The following TRIP13 variants were observed in gnomAD, a reference collection of about 807,000 sequenced individuals.
TRIP13 encodes the protein thyroid hormone receptor interactor 13.
A neutral mutation model predicts 54.4 loss-of-function variants in TRIP13; 25 were observed. That is an observed-to-expected ratio of 0.46 (90% confidence interval 0.33 to 0.64). The LOEUF is 0.64. Ranked by LOEUF, TRIP13 falls within the 30% of genes least tolerant of loss-of-function variation. The pLI is 0.02. For missense variants in TRIP13, 373 were observed against 534.2 expected (o/e 0.70, Z 2.97); for synonymous variants, 207 against 207.8 (o/e 1.00, Z 0.03).
Position 912,144 on chromosome 5 carries a change from T to G in TRIP13, c.1020+148T>G. ...TCTTAAATTGAAAACTAGTTTTGTA[T>G]GTGACAGGTTGAGCTGATAGTTGAA... On this transcript the variant is annotated intron_variant, in intron 10 of 12. Coordinates refer to ENST00000166345, the MANE Select transcript of TRIP13 (RefSeq NM_004237.4). The surrounding 1 kb of genome is among the most constrained non-coding windows in gnomAD (Gnocchi z 7.2). The G allele has an allele frequency of 3.7e-6, 4 of 1,086,100 alleles. No homozygotes were observed. Among genetic ancestry groups the G allele is most frequent in the Non-Finnish European group, 3.9e-6 (3 of 777,728 alleles). 67.3% of individuals were successfully genotyped at this position (1,086,100 alleles called of 1,614,324 possible).
intron 12 of TRIP13, among the ~76,000 whole-genome samples, chr5:916,306 T>C (rs1283472441): frequency 2.6e-5 from 4 of 152,214 alleles, no homozygotes; most frequent in African/African-American, 9.7e-5. Flanking sequence ...TCAGCTCACA[T>C]AGAACAGTGA....
chr5:900,378 G>C (rs1243753828), intron 3 of TRIP13, 116 bp from the exon 4 acceptor site: 1 of 987,340 alleles, frequency 1.0e-6, no homozygotes, highest in East Asian at 2.6e-5. Flanking sequence ...CAGAATCATA[G>C]TCTTGCCTGG....
chr5:907,964 A>T lies in TRIP13; in HGVS notation c.673-24A>T. 1 of 1,613,844 alleles carries T rather than the reference A, an allele frequency of 6.2e-7. No individual in the cohort carries two copies. The highest frequency in any genetic ancestry group is 2.2e-5 in the East Asian group (1 of 44,876). ...GGCAGTGTGGTCCCTGCACGTTGAC[A>T]CTAAAAGGGTGTTTGGGTTCCAGAG... On this transcript the variant is annotated intron_variant, in intron 7 of 12. Coordinates refer to ENST00000166345, the MANE Select transcript of TRIP13 (RefSeq NM_004237.4). The surrounding 1 kb of genome is among the most constrained non-coding windows in gnomAD (Gnocchi z 4.1).
rs74983780 is a variant in TRIP13 at position 909,062 on chromosome 5, T to C, written c.866+601T>C. The C allele has an allele frequency of 9.1e-3, 1,415 of 155,180 alleles. 25 individuals carry two copies. The highest frequency in any genetic ancestry group is 0.031 in the African/African-American group (1,305 of 41,590). The allele number at this position is 155,180 out of a possible 1,614,324, so 9.6% of individuals were successfully genotyped here. ...TACGTTCAGGCCTTATCCCACCCACTTCTCTCCTATCCCACCCACTGTCAG... is the reference window on the plus strand; with the variant it reads ...TACGTTCAGGCCTTATCCCACCCACCTCTCTCCTATCCCACCCACTGTCAG... On this transcript the variant is annotated intron_variant, in intron 9 of 12. Transcript: ENST00000166345.
intron 2 of TRIP13, among the ~76,000 whole-genome samples, chr5:896,388 T>A (rs1227632729): frequency 6.6e-6 from 1 of 152,080 alleles, no homozygotes; most frequent in Non-Finnish European, 1.5e-5. Flanking sequence ...TCTGTGTGAG[T>A]GTATTTATAT....
intron 9 of TRIP13, among the ~76,000 whole-genome samples, chr5:909,795 G>A (rs1363150114): frequency 6.6e-6 from 1 of 152,244 alleles, no homozygotes; most frequent in Admixed American, 6.5e-5. Context: ...GAATAGGTGG[G>A]GCTAGTTAAC....
chr5:916,960 C>T, intron 12 of TRIP13, 48 bp from the exon 13 acceptor site: 1 of 1,581,936 alleles, frequency 6.3e-7, no homozygotes. Flanking sequence ...CAGATGGCCC[C>T]ACCAAACGTG....
intron 5 of TRIP13, among the ~76,000 whole-genome samples, chr5:902,416 G>A (rs988681290): frequency 5.3e-5 from 8 of 152,234 alleles, no homozygotes; most frequent in African/African-American, 1.9e-4. Flanking sequence ...AGAGTAAGCA[G>A]CAGGTGTTTT....
At chr5:896,537 T>C in intron 2 of TRIP13, 128 bp from the exon 3 acceptor site, 1 of 969,504 alleles carries the variant, frequency 1.0e-6, no homozygotes, top group Non-Finnish European at 1.5e-6. Context: ...TCTCATCTAA[T>C]CTGAGAACTA....
At position 913,525 on chromosome 5, in the gene TRIP13, T is replaced by G. The variant is rs1754283502; in HGVS notation, c.1021-940T>G. On this transcript the variant is annotated intron_variant, in intron 10 of 12. Coordinates refer to ENST00000166345, the MANE Select transcript of TRIP13 (RefSeq NM_004237.4). This position sits in a 1 kb window ranked among gnomAD's most constrained non-coding sequence, Gnocchi z 4.5. ...TGCATGCCACCACACCTGGCTAATT[T>G]TTGTATTTTCAGTAGAGAAAGGGTT... Among the ~76,000 whole-genome samples the G allele has an allele frequency of 6.6e-6, 1 of 152,086 alleles. No homozygotes were observed. The highest frequency in any genetic ancestry group is 2.4e-5 in the African/African-American group (1 of 41,412).
intron 3 of TRIP13, among the ~76,000 whole-genome samples, chr5:897,040 T>C (rs966670312): frequency 5.3e-5 from 8 of 152,378 alleles, no homozygotes; most frequent in Admixed American, 1.3e-4. Context: ...CCATGTGCTC[T>C]TCTCACATGC....
At chr5:902,589 AGGGT>A (rs1754016005) in intron 5 of TRIP13, among the ~76,000 whole-genome samples, 2 of 152,172 alleles carry the variant, frequency 1.3e-5, no homozygotes, top group African/African-American at 4.8e-5. Context: ...CATCTTTTGT[AGGGT>A]CCAGCCCCAC....
At chr5:896,819 G>C in intron 3 of TRIP13, 25 bp downstream of exon 3, 1 of 1,609,574 alleles carries the variant, frequency 6.2e-7, no homozygotes, top group African/African-American at 1.3e-5. Context: ...GGGAGTTGAA[G>C]GGGAGGCTGA....
chr5:906,421 G>C (rs1754116408), intron 6 of TRIP13, among the ~76,000 whole-genome samples: 1 of 152,152 alleles, frequency 6.6e-6, no homozygotes, highest in Non-Finnish European at 1.5e-5. Context: ...TATTTTGTTA[G>C]ATTGTCTGTA....
At chr5:916,024 C>T in intron 12 of TRIP13, 51 bp downstream of exon 12, 1 of 1,572,510 alleles carries the variant, frequency 6.4e-7, no homozygotes, top group Non-Finnish European at 8.7e-7. Context: ...CAGGTCTCAG[C>T]CTCGCCGGAG....
Position 908,294 on chromosome 5 carries a change from C to T in TRIP13, c.760-61C>T, listed in dbSNP as rs1754159896. On this transcript the variant is annotated intron_variant, in intron 8 of 12. Coordinates refer to ENST00000166345, the MANE Select transcript of TRIP13 (RefSeq NM_004237.4). This position sits in a 1 kb window ranked among gnomAD's most constrained non-coding sequence, Gnocchi z 5.2. ...TCACGTGCTCAGCGGGACGTATCCCCATAGCTGCCTGTGAAGTGCCAGGCC... is the reference window on the plus strand; with the variant it reads ...TCACGTGCTCAGCGGGACGTATCCCTATAGCTGCCTGTGAAGTGCCAGGCC... 6.4e-7 allele frequency: 1 copy of T among 1,570,264 alleles called. No homozygotes were observed. The highest frequency in any genetic ancestry group is 8.7e-7 in the Non-Finnish European group (1 of 1,148,752).
chr5:901,837 G>A (rs902865698), intron 5 of TRIP13, among the ~76,000 whole-genome samples: 27 of 152,204 alleles, frequency 1.8e-4, no homozygotes, highest in Non-Finnish European at 2.8e-4. Context: ...TGACCAGGCT[G>A]GTCTCAAACT....
Position 908,097 on chromosome 5 carries a change from A to G in TRIP13, c.759+23A>G, listed in dbSNP as rs1754154493. ...GAGGTAGGCATTTCCAGATAAGGAA[A>G]TTCATGACAGAATCGCCTTTTGCCA... On this transcript the variant is annotated intron_variant, in intron 8 of 12. Coordinates refer to ENST00000166345, the MANE Select transcript of TRIP13 (RefSeq NM_004237.4). This position sits in a 1 kb window ranked among gnomAD's most constrained non-coding sequence, Gnocchi z 5.2. 2 of 1,613,380 alleles carry G rather than the reference A, an allele frequency of 1.2e-6. No individual in the cohort carries two copies. The highest frequency in any genetic ancestry group is 8.5e-7 in the Non-Finnish European group (1 of 1,179,290).
chr5:909,161 G>T (rs1449112964), intron 9 of TRIP13, among the ~76,000 whole-genome samples: 1 of 152,138 alleles, frequency 6.6e-6, no homozygotes, highest in Non-Finnish European at 1.5e-5. Context: ...ACAGCTTCGT[G>T]TGCAGATGGT....
Sources: gnomAD v4.1 joint callset for allele counts (sites outside exome capture counted in the v4.1 genomes callset) on GRCh38, gnomAD v4.1.1 for gene constraint, Gnocchi (gnomAD v3.1) non-coding constraint, MANE v1.5 for transcripts, NCBI Gene and HGNC (gene_info 2026-07-23, HGNC 2026-07-21) for gene names.